CDH13: variants seen among roughly 807,000 people sequenced by gnomAD.
CDH13 encodes the protein cadherin 13.
In CDH13, 24 loss-of-function variants were observed where a neutral mutation model predicts 63.8. The observed-to-expected ratio is 0.38, with a 90% CI of 0.27 to 0.53. The LOEUF (loss-of-function observed/expected upper bound fraction) is 0.53, where lower values mean the gene tolerates loss of function less well. Among genes scored for constraint, CDH13 ranks in the 20% least tolerant of loss-of-function variants. The pLI is 0.85. For synonymous variants in CDH13, 503 were observed against 355.3 expected, an observed-to-expected ratio of 1.42 and a Z score of -4.67; for missense variants, 1,049 against 903.1, an observed-to-expected ratio of 1.16 and a Z score of -2.07.
At chr16:83,714,978 C>G (rs1382305419) in intron 10 of CDH13, among the ~76,000 whole-genome samples, 1 of 152,046 alleles carries the variant, frequency 6.6e-6, no homozygotes, top group Non-Finnish European at 1.5e-5. Context: ...TTTGCGAGCT[C>G]AGGTACTTGT....
intron 1 of CDH13, among the ~76,000 whole-genome samples, chr16:82,744,824 C>T (rs941000085): frequency 5.3e-5 from 8 of 152,138 alleles, no homozygotes; most frequent in Non-Finnish European, 1.0e-4. Flanking sequence ...CAAATAGCCT[C>T]GGCCATTTGT....
chr16:82,896,341 G>T (rs951085623), intron 2 of CDH13, among the ~76,000 whole-genome samples: 1 of 136,794 alleles, frequency 7.3e-6, no homozygotes, highest in Admixed American at 8.3e-5. Context: ...TCCCAGGCTG[G>T]AGTGCAGTGG....
In CDH13 at chr16:83,433,528, G is replaced by A. The variant is rs992462973; in HGVS notation, c.782-52949G>A. Among the ~76,000 whole-genome samples the A allele has an allele frequency of 1.3e-5, 2 of 152,262 alleles. 1 individual carries two copies. Among genetic ancestry groups the A allele is most frequent in the South Asian group, 4.2e-4 (2 of 4,816 alleles). ...TGGTGCACCTACTAATTTTACCAAA[G>A]GCAGCTGGCCTCACTCCCTGTGACT... On this transcript the variant is annotated intron_variant, in intron 6 of 13. Transcript: ENST00000567109.
intron 2 of CDH13, among the ~76,000 whole-genome samples, chr16:82,907,157 G>A (rs2041675174): frequency 6.6e-6 from 1 of 152,110 alleles, no homozygotes; most frequent in African/African-American, 2.4e-5. Flanking sequence ...AACAGAAATG[G>A]GATCTGATGA....
At chr16:82,895,394 G>A (rs763904660) in intron 2 of CDH13, among the ~76,000 whole-genome samples, 4 of 151,948 alleles carry the variant, frequency 2.6e-5, no homozygotes, top group Non-Finnish European at 5.9e-5. Flanking sequence ...TCATCATCTG[G>A]TCCTTTTCCA....
intron 1 of CDH13, among the ~76,000 whole-genome samples, chr16:82,839,699 C>T (rs969526364): frequency 6.6e-6 from 1 of 152,138 alleles, no homozygotes; most frequent in Non-Finnish European, 1.5e-5. Flanking sequence ...GCTTATTTGC[C>T]CTTGGAACAA....
intron 8 of CDH13, among the ~76,000 whole-genome samples, chr16:83,665,576 A>G (rs1336140708): frequency 1.3e-5 from 2 of 152,198 alleles, no homozygotes; most frequent in South Asian, 2.1e-4. Flanking sequence ...GTGAGACCCT[A>G]TAATTTTTTT....
chr16:83,634,117 C>CTGTGTGTGTG lies in CDH13; in HGVS notation c.1101+31531_1101+31540dup, dbSNP rs1491184759. Among the ~76,000 whole-genome samples, 79 of 77,062 alleles carry CTGTGTGTGTG rather than the reference C, an allele frequency of 1.0e-3. 1 individual carries two copies. The highest frequency in any genetic ancestry group is 2.6e-3 in the African/African-American group (55 of 20,888). 50.6% of individuals were successfully genotyped at this position (77,062 alleles called of 152,430 possible). ...GTCTCCACCCATTTTTGTGTGTTTTCTGTGTGTGTGTGTGTGTATGTGTGT... is the reference window on the plus strand; with the variant it reads ...GTCTCCACCCATTTTTGTGTGTTTTCTGTGTGTGTGTGTGTGTGTGTGTGTGTATGTGTGT... On this transcript the variant is annotated intron_variant, in intron 8 of 13. Transcript: ENST00000567109.
chr16:82,758,890 T>C (rs926392970), intron 1 of CDH13, among the ~76,000 whole-genome samples: 4 of 152,230 alleles, frequency 2.6e-5, no homozygotes, highest in Admixed American at 2.0e-4. Context: ...TGTAAATCTC[T>C]GAAGCCTCGG....
At chr16:82,934,896 A>G (rs1446136120) in intron 2 of CDH13, among the ~76,000 whole-genome samples, 2 of 152,238 alleles carry the variant, frequency 1.3e-5, no homozygotes, top group African/African-American at 4.8e-5. Flanking sequence ...ACAAGTATCT[A>G]GTAAGTTCCA....
chr16:83,195,309 G>A (rs28623519), intron 4 of CDH13, among the ~76,000 whole-genome samples: 13,099 of 152,186 alleles, frequency 0.086, 632 homozygotes, highest in Middle Eastern at 0.18. Context: ...TTCTTGCACT[G>A]CTATAAAGAA....
At chr16:82,964,198 A>C (rs746573012) in intron 2 of CDH13, among the ~76,000 whole-genome samples, 1 of 152,222 alleles carries the variant, frequency 6.6e-6, no homozygotes, top group South Asian at 2.1e-4. Flanking sequence ...TCAATGGTGG[A>C]GCTCCATAAA....
intron 3 of CDH13, among the ~76,000 whole-genome samples, chr16:83,087,412 G>A (rs113162383): frequency 1.3e-5 from 2 of 152,214 alleles, no homozygotes; most frequent in African/African-American, 4.8e-5. Flanking sequence ...GCTCACGCCT[G>A]TAATCCCAGC....
chr16:83,595,111 AG>A (rs1198924256), intron 7 of CDH13, among the ~76,000 whole-genome samples: 2 of 152,252 alleles, frequency 1.3e-5, no homozygotes, highest in Non-Finnish European at 1.5e-5. Context: ...CTTACAAATC[AG>A]ATAGCTTCAA....
At chr16:83,518,316 T>G (rs1268541884) in intron 7 of CDH13, among the ~76,000 whole-genome samples, 1 of 149,582 alleles carries the variant, frequency 6.7e-6, no homozygotes, top group African/African-American at 2.5e-5. Context: ...GCTAATTTTT[T>G]TGTATTTTTT....
intron 5 of CDH13, among the ~76,000 whole-genome samples, chr16:83,341,511 A>T (rs528042965): frequency 1.1e-4 from 16 of 152,334 alleles, no homozygotes; most frequent in African/African-American, 3.4e-4. Flanking sequence ...CATCATTAAT[A>T]AGATGATTTT....
chr16:83,358,203 C>T (rs192695617), intron 6 of CDH13, among the ~76,000 whole-genome samples: 1 of 152,124 alleles, frequency 6.6e-6, no homozygotes, highest in Non-Finnish European at 1.5e-5. Context: ...TGAGGAAGTA[C>T]TGACCAACAA....
chr16:82,721,719 A>G (rs1363687970), intron 1 of CDH13, among the ~76,000 whole-genome samples: 1 of 152,148 alleles, frequency 6.6e-6, no homozygotes, highest in Non-Finnish European at 1.5e-5. Context: ...CATGATAGAG[A>G]GTTCAGATTT....
At chr16:82,788,556 C>T (rs1206415847) in intron 1 of CDH13, among the ~76,000 whole-genome samples, 1 of 152,230 alleles carries the variant, frequency 6.6e-6, no homozygotes, top group Non-Finnish European at 1.5e-5. Flanking sequence ...GTGTTATTAA[C>T]CGGAGGAACA....
Sources: allele counts gnomAD v4.1 joint callset (sites outside exome capture counted in the v4.1 genomes callset), GRCh38; gene constraint gnomAD v4.1.1; transcripts MANE v1.5; gene names NCBI Gene and HGNC (gene_info 2026-07-23, HGNC 2026-07-21).